The following PRR33 variants were observed in gnomAD, a reference collection of about 807,000 sequenced individuals.
PRR33 encodes proline-rich protein 33.
A neutral mutation model predicts 0.5 loss-of-function variants in PRR33; 1 was observed. That is an observed-to-expected ratio of 2.18 (90% confidence interval 0.77 to 10.34). The LOEUF (loss-of-function observed/expected upper bound fraction) is 10.34. PRR33 is among the 30% of genes most tolerant of loss of function. The pLI is 0.13. For missense variants in PRR33, 552 were observed against 251.8 expected (o/e 2.19, Z -8.07); for synonymous variants, 226 against 110.0 (o/e 2.06, Z -6.60).
the PRR33 span, among the ~76,000 whole-genome samples, chr11:1,913,808 C>T: frequency 3.2e-4 from 48 of 152,370 alleles, no homozygotes; most frequent in African/African-American, 7.5e-4. Flanking sequence ...CAGTCCTAGA[C>T]GCCTCACCCC....
chr11:1,890,269 G>A (rs375040436), exon 1 of PRR33: 5 of 713,756 alleles, frequency 7.0e-6, no homozygotes, highest in Admixed American at 4.0e-5. Flanking sequence ...GCCACCATGC[G>A]GGGAGCCTCG....
chr11:1,905,588 G>A, the PRR33 span, among the ~76,000 whole-genome samples: 1 of 151,904 alleles, frequency 6.6e-6, no homozygotes, highest in Admixed American at 6.6e-5. Flanking sequence ...ATAGGCGTGT[G>A]CCACCACGCC....
chr11:1,914,807 G>C, the PRR33 span, among the ~76,000 whole-genome samples: 4 of 138,734 alleles, frequency 2.9e-5, no homozygotes, highest in African/African-American at 1.1e-4. Flanking sequence ...CACCTGGGGA[G>C]ATGTTGCTCT....
At chr11:1,898,481 C>T in the PRR33 span, among the ~76,000 whole-genome samples, 154 of 152,192 alleles carry the variant, frequency 1.0e-3, no homozygotes, top group African/African-American at 3.6e-3. Flanking sequence ...GTGATCCACC[C>T]ACCTCGGCCT....
chr11:1,891,639 G>C (rs1215930086), exon 1 of PRR33: 2 of 153,944 alleles, frequency 1.3e-5, no homozygotes, highest in Non-Finnish European at 2.9e-5. Flanking sequence ...TGGTGGAGTG[G>C]GGGTGTGGGC....
the PRR33 span, among the ~76,000 whole-genome samples, chr11:1,902,178 G>A: frequency 6.6e-6 from 1 of 151,130 alleles, no homozygotes; most frequent in Non-Finnish European, 1.5e-5. Context: ...CTTGCAGTGA[G>A]CAGAGATCGC....
the PRR33 span, among the ~76,000 whole-genome samples, chr11:1,903,426 A>C: frequency 4.6e-4 from 70 of 152,292 alleles, no homozygotes; most frequent in Non-Finnish European, 8.5e-4. Flanking sequence ...AATTACAGGC[A>C]TGGGCCACCT....
chr11:1,914,853 C>CTGTGTGTGTG, the PRR33 span, among the ~76,000 whole-genome samples: 5 of 125,350 alleles, frequency 4.0e-5, no homozygotes, highest in East Asian at 5.2e-4. Flanking sequence ...GGAGATGTTT[C>CTGTGTGTGTG]TGTGTGTGTG....
At chr11:1,917,229 G>A in the PRR33 span, among the ~76,000 whole-genome samples, 3 of 152,202 alleles carry the variant, frequency 2.0e-5, no homozygotes, top group African/African-American at 2.4e-5. Flanking sequence ...CTCAGGGCAT[G>A]AGGAGAGGCT....
chr11:1,905,167 C>T, the PRR33 span, among the ~76,000 whole-genome samples: 3 of 138,402 alleles, frequency 2.2e-5, no homozygotes, highest in Non-Finnish European at 4.6e-5. Context: ...TGCTCTGTCA[C>T]CCAGGCTGGA....
the PRR33 span, among the ~76,000 whole-genome samples, chr11:1,911,470 A>AT: frequency 6.6e-6 from 1 of 151,994 alleles, no homozygotes; most frequent in Non-Finnish European, 1.5e-5. Context: ...ATATAAATTA[A>AT]TAAGTGGCAC....
At chr11:1,904,950 C>G in the PRR33 span, among the ~76,000 whole-genome samples, 2 of 151,976 alleles carry the variant, frequency 1.3e-5, no homozygotes, top group East Asian at 3.9e-4. Context: ...TACTGATATT[C>G]TTAAAGAACC....
upstream of PRR33, among the ~76,000 whole-genome samples, chr11:1,894,816 T>C (rs1022012610): frequency 6.6e-6 from 1 of 152,222 alleles, no homozygotes; most frequent in African/African-American, 2.4e-5. Context: ...TTTCCTTTAC[T>C]CTTGGGGAGA....
chr11:1,889,170 G>A (rs1416555140), exon 1 of PRR33: 1 of 673,688 alleles, frequency 1.5e-6, no homozygotes, highest in South Asian at 1.6e-5. Flanking sequence ...GCCAGTCGCT[G>A]TGCGGTTGAA....
the PRR33 span, among the ~76,000 whole-genome samples, chr11:1,899,871 G>A: frequency 6.6e-6 from 1 of 152,036 alleles, no homozygotes; most frequent in Non-Finnish European, 1.5e-5. Flanking sequence ...CATTGAAAAT[G>A]ACAATTGAAG....
At chr11:1,893,577 A>G (rs1340596555), upstream of PRR33, among the ~76,000 whole-genome samples, 1 of 95,934 alleles carries the variant, frequency 1.0e-5, no homozygotes. Flanking sequence ...AGAGGGAGAG[A>G]GGGGGGATGG....
the PRR33 span, among the ~76,000 whole-genome samples, chr11:1,903,520 T>A: frequency 6.6e-6 from 1 of 152,228 alleles, no homozygotes; most frequent in East Asian, 1.9e-4. Context: ...CTTCTTCACA[T>A]CAATTGGCAT....
upstream of PRR33, among the ~76,000 whole-genome samples, chr11:1,892,909 C>T (rs576603): frequency 0.36 from 51,497 of 143,298 alleles, 10,460 homozygotes; most frequent in East Asian, 0.71. Flanking sequence ...GCTGGATGAG[C>T]GAGTGGAGGG....
chr11:1,897,466 T>G, the PRR33 span, among the ~76,000 whole-genome samples: 1 of 152,340 alleles, frequency 6.6e-6, no homozygotes, highest in African/African-American at 2.4e-5. This position sits in a 1 kb window ranked among gnomAD's most constrained non-coding sequence, Gnocchi z 4.0. Flanking sequence ...AACCCTGGTC[T>G]GCCTTAGGAC....
Sources: allele counts gnomAD v4.1 joint callset (sites outside exome capture counted in the v4.1 genomes callset), GRCh38; gene constraint gnomAD v4.1.1; non-coding constraint Gnocchi (gnomAD v3.1); transcripts MANE v1.5; gene names NCBI Gene and HGNC (gene_info 2026-07-23, HGNC 2026-07-21).